SLC25A12: variants seen among roughly 807,000 people sequenced by gnomAD.
SLC25A12 encodes solute carrier family 25 member 12, also known as electrogenic aspartate/glutamate antiporter SLC25A12, mitochondrial.
SLC25A12 carries 32 observed loss-of-function variants against 83.3 expected under a neutral mutation model. The ratio of observed to expected loss-of-function variants is 0.38; its 90% CI spans 0.29 to 0.52. The LOEUF (loss-of-function observed/expected upper bound fraction) is 0.52, where lower values mean the gene tolerates loss of function less well. Ranked by LOEUF, SLC25A12 falls within the 20% of genes least tolerant of loss-of-function variation. SLC25A12 has a pLI of 0.84. For missense variants in SLC25A12, 611 were observed against 835.6 expected (o/e 0.73, Z 3.31); for synonymous variants, 267 against 291.1 (o/e 0.92, Z 0.84).
chr2:171,824,922 G>C (rs1323477137), intron 9 of SLC25A12, among the ~76,000 whole-genome samples: 1 of 151,732 alleles, frequency 6.6e-6, no homozygotes, highest in East Asian at 1.9e-4. Flanking sequence ...TCCCTCCTCA[G>C]CCTCCCAAGT....
chr2:171,786,049 A>C (rs897077096), intron 17 of SLC25A12, among the ~76,000 whole-genome samples: 1 of 152,036 alleles, frequency 6.6e-6, no homozygotes, highest in African/African-American at 2.4e-5. Flanking sequence ...CTTTTTATGT[A>C]GTAGACTCAT....
At chr2:171,871,474 T>G (rs1393578911) in intron 2 of SLC25A12, among the ~76,000 whole-genome samples, 9 of 152,052 alleles carry the variant, frequency 5.9e-5, no homozygotes, top group Admixed American at 5.9e-4. Flanking sequence ...CTGAGAGGAA[T>G]GGGAGAATCA....
intron 2 of SLC25A12, among the ~76,000 whole-genome samples, chr2:171,884,178 C>T (rs1685760986): frequency 1.3e-5 from 2 of 148,892 alleles, no homozygotes; most frequent in South Asian, 2.1e-4. Context: ...GTGTGCCCAG[C>T]CAATCTGTGG....
chr2:171,790,565 G>A (rs374215047), intron 15 of SLC25A12, among the ~76,000 whole-genome samples: 5 of 152,262 alleles, frequency 3.3e-5, no homozygotes, highest in African/African-American at 1.2e-4. Flanking sequence ...TTTCATTCAT[G>A]TTATTGACAT....
At chr2:171,853,606 A>G (rs1684980590) in intron 4 of SLC25A12, among the ~76,000 whole-genome samples, 1 of 151,988 alleles carries the variant, frequency 6.6e-6, no homozygotes, top group South Asian at 2.1e-4. Context: ...GCTTGAACCC[A>G]GGAGGCAGAG....
At chr2:171,837,375 AAAAC>A (rs1454471165) in intron 5 of SLC25A12, 108 bp from the exon 6 acceptor site, 14 of 1,149,380 alleles carry the variant, frequency 1.2e-5, no homozygotes, top group Non-Finnish European at 1.8e-5. Flanking sequence ...TACTTACTAC[AAAAC>A]AAACAATGCA....
At chr2:171,825,694 A>C (rs1464096151) in intron 9 of SLC25A12, among the ~76,000 whole-genome samples, 1 of 152,184 alleles carries the variant, frequency 6.6e-6, no homozygotes, top group Non-Finnish European at 1.5e-5. Context: ...TGTCTATTAG[A>C]GCAGGAAAGT....
At chr2:171,883,117 T>C (rs917096691) in intron 2 of SLC25A12, among the ~76,000 whole-genome samples, 2 of 152,224 alleles carry the variant, frequency 1.3e-5, no homozygotes, top group Admixed American at 6.5e-5. Flanking sequence ...ATTAACATCT[T>C]AGTCTCTTGA....
At chr2:171,801,132 AC>A (rs1340566864) in intron 13 of SLC25A12, among the ~76,000 whole-genome samples, 6 of 152,224 alleles carry the variant, frequency 3.9e-5, no homozygotes, top group African/African-American at 1.4e-4. Flanking sequence ...ATATTCATAC[AC>A]TTATTAAAGG....
At chr2:171,793,252 G>A (rs1424677401) in intron 14 of SLC25A12, among the ~76,000 whole-genome samples, 1 of 152,036 alleles carries the variant, frequency 6.6e-6, no homozygotes, top group Non-Finnish European at 1.5e-5. Flanking sequence ...CTCCCACTGG[G>A]AAGATAACAA....
At chr2:171,850,882 C>G (rs970418061) in intron 4 of SLC25A12, among the ~76,000 whole-genome samples, 1 of 152,224 alleles carries the variant, frequency 6.6e-6, no homozygotes, top group African/African-American at 2.4e-5. Context: ...TGTGCCTAAC[C>G]CATCCCAATT....
chr2:171,877,620 G>A lies in SLC25A12; in HGVS notation c.67-8797C>T, dbSNP rs540318506. 3.2e-3 allele frequency among the ~76,000 whole-genome samples: 484 copies of A among 149,328 alleles called. 1 individual carries two copies. Among genetic ancestry groups the A allele is most frequent in the Non-Finnish European group, 5.3e-3 (362 of 67,670 alleles). Reference sequence around the variant, plus strand: ...GCGGAGGTTGCAGTAAGCCGAGATCGTGCCACTCACTGCACTCCAGCCTGG... The same window carrying A: ...GCGGAGGTTGCAGTAAGCCGAGATCATGCCACTCACTGCACTCCAGCCTGG... On this transcript the variant is annotated intron_variant, in intron 2 of 17. Coordinates refer to ENST00000422440, the MANE Select transcript of SLC25A12 (RefSeq NM_003705.5).
At position 171,837,136 on chromosome 2, in the gene SLC25A12, C is replaced by T. The variant is rs1374644206; in HGVS notation, c.597G>A (p.Glu199=). 13 of 1,613,908 alleles carry T rather than the reference C, an allele frequency of 8.1e-6. No homozygotes were observed. The highest frequency in any genetic ancestry group is 1.7e-5 in the Admixed American group (1 of 59,988). ...TTTTACTTACTGAAACTAAGTTCTCCTCCACAAAAGGAGTAAGCATGTGAG... is the reference window on the plus strand; with the variant it reads ...TTTTACTTACTGAAACTAAGTTCTCTTCCACAAAAGGAGTAAGCATGTGAG... The part of the protein sequence containing the change: ...IRSHMLTPFV[E]ENLVSAAGGS... Residue 199 remains glutamate, a synonymous_variant, in exon 6 of 18, where the codon GAG becomes GAA. Transcript: ENST00000422440.
In SLC25A12 at chr2:171,821,017, CTTTTTTTTTTTTTT is replaced by C. The variant is rs869070730; in HGVS notation, c.930+5767_930+5780del. Among the ~76,000 whole-genome samples, 4 of 48,592 alleles carry C rather than the reference CTTTTTTTTTTTTTT, an allele frequency of 8.2e-5. No homozygotes were observed. In the Admixed American group the frequency reaches 1.0e-3, roughly 13 times the overall value. 31.9% of individuals were successfully genotyped at this position (48,592 alleles called of 152,430 possible). The stretch of plus-strand genomic sequence containing the variant: ...TGCAAATAACGCAGCTATAAACATT[CTTTTTTTTTTTTTT>C]TTTTTTTTTTTTTTTTGAGACAGCG... On this transcript the variant is annotated intron_variant, in intron 9 of 17. Coordinates refer to ENST00000422440, the MANE Select transcript of SLC25A12 (RefSeq NM_003705.5).
intron 7 of SLC25A12, 21 bp downstream of exon 7, chr2:171,834,706 A>C (rs1240124270): frequency 6.2e-7 from 1 of 1,610,588 alleles, no homozygotes; most frequent in Admixed American, 1.7e-5. Context: ...ATTCTTATTT[A>C]TGTATATTTT....
chr2:171,885,047 A>G (rs1044813561), intron 2 of SLC25A12, among the ~76,000 whole-genome samples: 4 of 151,858 alleles, frequency 2.6e-5, no homozygotes, highest in Non-Finnish European at 4.4e-5. Flanking sequence ...CCCTGTCTCT[A>G]CTAAAAATAC....
chr2:171,868,427 C>T (rs1685388802), intron 3 of SLC25A12, among the ~76,000 whole-genome samples: 1 of 151,572 alleles, frequency 6.6e-6, no homozygotes, highest in African/African-American at 2.4e-5. Context: ...GATTCTCCTC[C>T]CTCAGCCTCC....
At chr2:171,847,472 G>T (rs1406239258) in intron 4 of SLC25A12, among the ~76,000 whole-genome samples, 1 of 152,190 alleles carries the variant, frequency 6.6e-6, no homozygotes, top group Admixed American at 6.5e-5. Context: ...TGCGTGACAT[G>T]AAAGGGAACA....
At chr2:171,826,677 G>C in intron 9 of SLC25A12, 121 bp downstream of exon 9, 1 of 713,156 alleles carries the variant, frequency 1.4e-6, no homozygotes, top group Non-Finnish European at 2.6e-6. Context: ...TTTAAGCTAA[G>C]TAAAGTCTTT....
Sources: allele counts gnomAD v4.1 joint callset (sites outside exome capture counted in the v4.1 genomes callset), GRCh38; gene constraint gnomAD v4.1.1; transcripts MANE v1.5; gene names NCBI Gene and HGNC (gene_info 2026-07-23, HGNC 2026-07-21).